RHOT1: variants seen among roughly 807,000 people sequenced by gnomAD.
The protein encoded by RHOT1 is ras homolog family member T1.
Under a neutral mutation model 95.3 loss-of-function variants are expected in RHOT1, and 27 were observed. The observed-to-expected ratio is 0.28, with a 90% CI of 0.21 to 0.39. The LOEUF is 0.39. Ranked by LOEUF, RHOT1 falls within the 10% of genes least tolerant of loss-of-function variation. The pLI, the probability that RHOT1 is intolerant of heterozygous loss-of-function variation, is 1.00. For synonymous variants in RHOT1, 227 were observed against 263.5 expected (o/e 0.86, Z 1.34); for missense variants, 578 against 786.7 (o/e 0.73, Z 3.17).
Position 32,224,806 on chromosome 17 carries a change from G to T in RHOT1, c.*73G>T. Reference sequence around the variant, plus strand: ...ATTCTGAATGCTTTAAGTTCTGCTAGAATTATTGAGATATTTATACATGCA... The same window carrying T: ...ATTCTGAATGCTTTAAGTTCTGCTATAATTATTGAGATATTTATACATGCA... On this transcript the variant is annotated 3_prime_UTR_variant, in exon 20 of 20. Transcript: ENST00000545287. 1 of 832,530 alleles carries T rather than the reference G, an allele frequency of 1.2e-6. No individual in the cohort carries two copies. Among genetic ancestry groups the T allele is most frequent in the Non-Finnish European group, 1.9e-6 (1 of 517,104 alleles). The allele number at this position is 832,530 out of a possible 1,614,324, so 51.6% of individuals were successfully genotyped here.
intron 19 of RHOT1, among the ~76,000 whole-genome samples, chr17:32,224,334 CTTCT>C (rs2039014165): frequency 6.6e-6 from 1 of 152,164 alleles, no homozygotes. Context: ...ATTTGTCTAA[CTTCT>C]TTATTTCCTG....
chr17:32,205,640 TAGA>T, intron 16 of RHOT1, among the ~76,000 whole-genome samples: 2 of 152,198 alleles, frequency 1.3e-5, no homozygotes, highest in East Asian at 3.9e-4. Context: ...TGAAATACAG[TAGA>T]AGGAGGGTTA....
chr17:32,151,382 A>G, intron 1 of RHOT1: 1 of 619,118 alleles, frequency 1.6e-6, no homozygotes, highest in Non-Finnish European at 3.0e-6. Context: ...ACTGCACTCC[A>G]GTTTGGATGA....
intron 8 of RHOT1, among the ~76,000 whole-genome samples, chr17:32,189,978 C>T (rs914663258): frequency 8.6e-5 from 13 of 151,882 alleles, no homozygotes; most frequent in African/African-American, 2.2e-4. Flanking sequence ...CTTGGCTTCC[C>T]GAAAGTGTGT....
chr17:32,214,673 G>A (rs768147173), intron 19 of RHOT1, among the ~76,000 whole-genome samples: 13 of 152,142 alleles, frequency 8.5e-5, no homozygotes, highest in Non-Finnish European at 1.9e-4. Flanking sequence ...AGCTGTTACT[G>A]GTTGGTCACT....
At chr17:32,166,949 G>A (rs2034138573) in intron 1 of RHOT1, among the ~76,000 whole-genome samples, 1 of 152,104 alleles carries the variant, frequency 6.6e-6, no homozygotes, top group African/African-American at 2.4e-5. Context: ...ATTTCCAGAA[G>A]GTTTTTAGTT....
At chr17:32,167,670 C>T (rs1288264565) in intron 1 of RHOT1, among the ~76,000 whole-genome samples, 4 of 152,170 alleles carry the variant, frequency 2.6e-5, no homozygotes, top group Admixed American at 2.6e-4. Flanking sequence ...TCAGCCTATC[C>T]TTTTAAGCAT....
chr17:32,191,475 C>T (rs1253884438), intron 8 of RHOT1, among the ~76,000 whole-genome samples: 1 of 152,108 alleles, frequency 6.6e-6, no homozygotes, highest in African/African-American at 2.4e-5. Flanking sequence ...AGTGATTACC[C>T]TATAGTGGTT....
At position 32,224,728 on chromosome 17, in the gene RHOT1, C is replaced by A. The variant is rs769181876; in HGVS notation, c.1975C>A (p.Arg659=). 1.9e-6 allele frequency: 3 copies of A among 1,589,948 alleles called. No individual in the cohort carries two copies. The highest frequency in any genetic ancestry group is 2.2e-5 in the East Asian group (1 of 44,630). Residue 659 remains arginine (R), a synonymous_variant, in exon 20 of 20, where the codon CGA becomes AGA. Transcript: ENST00000545287. ...FAMYKALLKQ[R] ...TATGTACAAAGCATTATTGAAACAGCGATGATATAAAAAGAAATACTGTCC... is the reference window on the plus strand; with the variant it reads ...TATGTACAAAGCATTATTGAAACAGAGATGATATAAAAAGAAATACTGTCC...
chr17:32,220,971 G>A, intron 19 of RHOT1: 1 of 614,930 alleles, frequency 1.6e-6, no homozygotes, highest in Non-Finnish European at 2.0e-6. Flanking sequence ...AAACTATGCA[G>A]TAAGATACTA....
chr17:32,206,192 C>CTTTTTTT lies in RHOT1; in HGVS notation c.1417-694_1417-688dup, dbSNP rs71144812. Among the ~76,000 whole-genome samples the CTTTTTTT allele has an allele frequency of 4.6e-4, 28 of 60,528 alleles. 4 individuals carry two copies. The highest frequency in any genetic ancestry group is 1.8e-3 in the African/African-American group (24 of 13,000). The allele number at this position is 60,528 out of a possible 152,430, so 39.7% of individuals were successfully genotyped here. On this transcript the variant is annotated intron_variant, in intron 16 of 19. Coordinates refer to ENST00000545287, the MANE Select transcript of RHOT1 (RefSeq NM_001033566.3). ...TCACTAATACTAGCTTCCATAGAATCTTTTTTTTTTTTTTTTTTTTTTTTT... is the reference window on the plus strand; with the variant it reads ...TCACTAATACTAGCTTCCATAGAATCTTTTTTTTTTTTTTTTTTTTTTTTTTTTTTTT...
chr17:32,208,465 G>A, intron 18 of RHOT1, 156 bp downstream of exon 18: 2 of 699,674 alleles, frequency 2.9e-6, no homozygotes, highest in East Asian at 5.3e-5. Flanking sequence ...ATGCAAGTTT[G>A]GTTTGAATGC....
intron 19 of RHOT1, among the ~76,000 whole-genome samples, chr17:32,218,024 G>A (rs2038591077): frequency 1.3e-5 from 2 of 151,544 alleles, no homozygotes; most frequent in Admixed American, 6.6e-5. Flanking sequence ...CACCACACCT[G>A]GCTAATTTTT....
At chr17:32,164,470 G>A (rs2033862667) in intron 1 of RHOT1, among the ~76,000 whole-genome samples, 1 of 151,890 alleles carries the variant, frequency 6.6e-6, no homozygotes, top group Non-Finnish European at 1.5e-5. Flanking sequence ...TTGACCTCAT[G>A]ATCCGCCCAC....
chr17:32,147,530 A>G (rs889799251), intron 1 of RHOT1, among the ~76,000 whole-genome samples: 2 of 151,984 alleles, frequency 1.3e-5, no homozygotes, highest in Non-Finnish European at 2.9e-5. Context: ...AATGATATTT[A>G]AAGATTAAAC....
chr17:32,150,494 A>G, intron 1 of RHOT1: 1 of 1,176,536 alleles, frequency 8.5e-7, no homozygotes, highest in Non-Finnish European at 1.2e-6. Flanking sequence ...GTTAGACTGT[A>G]GTCTTTAAAG....
chr17:32,149,401 A>G (rs1412255601), intron 1 of RHOT1, among the ~76,000 whole-genome samples: 2 of 150,772 alleles, frequency 1.3e-5, no homozygotes, highest in East Asian at 1.9e-4. Flanking sequence ...AGTTAAAAAT[A>G]TATAGTGTTT....
Position 32,224,887 on chromosome 17 carries a change from T to G in RHOT1, c.*154T>G. ...CATAAGAGTATTTTAATGATAGTTA[T>G]AACTGCAGTATTGGCTAGCATATGG... On this transcript the variant is annotated 3_prime_UTR_variant, in exon 20 of 20. Coordinates refer to ENST00000545287, the MANE Select transcript of RHOT1 (RefSeq NM_001033566.3). The G allele has an allele frequency of 2.0e-6, 1 of 506,470 alleles. No individual in the cohort carries two copies. 31.4% of individuals were successfully genotyped at this position (506,470 alleles called of 1,614,324 possible). A position where few individuals can be genotyped will look rare whatever the true frequency, so the allele number is the denominator to read the frequency against.
rs1423012584 is a variant in RHOT1 at position 32,202,811 on chromosome 17, C to G, written c.1243C>G (p.Gln415Glu). The part of the protein sequence containing the change: ...KKIDLQKKQT[Q>E]RNVFRCNVIG... ...GATAGACCTGCAGAAAAAACAAACT[C>G]AAAGAAATGTGTTCAGATGTAATGT... Residue 415 changes from glutamine (Q) to glutamate (E), a missense_variant, in exon 15 of 20, where the codon CAA (glutamine) becomes GAA (glutamate). Coordinates refer to ENST00000545287, the MANE Select transcript of RHOT1 (RefSeq NM_001033566.3). The G allele has an allele frequency of 6.2e-7, 1 of 1,607,978 alleles. No homozygotes were observed. Among genetic ancestry groups the G allele is most frequent in the Non-Finnish European group, 8.5e-7 (1 of 1,176,418 alleles).
Sources: allele counts gnomAD v4.1 joint callset (sites outside exome capture counted in the v4.1 genomes callset), GRCh38; gene constraint gnomAD v4.1.1; transcripts MANE v1.5; gene names NCBI Gene and HGNC (gene_info 2026-07-23, HGNC 2026-07-21).